C1QTNF2: variants seen among roughly 807,000 people sequenced by gnomAD.
C1QTNF2 encodes complement C1q tumor necrosis factor-related protein 2.
Under a neutral mutation model 17.4 loss-of-function variants are expected in C1QTNF2, and 15 were observed. The observed-to-expected ratio is 0.86, with a 90% CI of 0.58 to 1.33. C1QTNF2 has a LOEUF of 1.33. Ranked by LOEUF, C1QTNF2 falls within the 40% of genes most tolerant of loss-of-function variation. The pLI is 0.00. For missense variants in C1QTNF2, 381 were observed against 392.3 expected (o/e 0.97, Z 0.24); for synonymous variants, 154 against 163.3 (o/e 0.94, Z 0.44).
In C1QTNF2 at chr5:160,359,022, C is replaced by T. The variant is rs543977157; in HGVS notation, c.-9-4002G>A. 3.9e-5 allele frequency among the ~76,000 whole-genome samples: 6 copies of T among 152,282 alleles called. No homozygotes were observed. In the South Asian group the frequency reaches 1.0e-3, roughly 26 times the overall value. On this transcript the variant is annotated intron_variant, in intron 1 of 2. Coordinates refer to ENST00000652664, the MANE Select transcript of C1QTNF2 (RefSeq NM_031908.6). Reference sequence around the variant, plus strand: ...TCAAACTCCAGTCCAGCGATCTACCCGTTTCAGCCTCCCAAAGTGCTGAGA... The same window carrying T: ...TCAAACTCCAGTCCAGCGATCTACCTGTTTCAGCCTCCCAAAGTGCTGAGA...
intron 2 of C1QTNF2, among the ~76,000 whole-genome samples, chr5:160,353,234 C>T (rs1328793929): frequency 6.6e-6 from 1 of 152,088 alleles, no homozygotes; most frequent in Non-Finnish European, 1.5e-5. Flanking sequence ...TATTAAAATG[C>T]CATACAAATA....
intron 2 of C1QTNF2, among the ~76,000 whole-genome samples, chr5:160,351,809 A>G (rs898940188): frequency 3.1e-4 from 47 of 152,250 alleles, no homozygotes; most frequent in African/African-American, 1.0e-3. Flanking sequence ...AAAGAATGGG[A>G]AAAAATAAAA....
At position 160,354,632 on chromosome 5, in the gene C1QTNF2, ATAGATT is replaced by A. The variant is rs1201685378; in HGVS notation, c.244+130_244+135del. On this transcript the variant is annotated intron_variant, in intron 2 of 2. Coordinates refer to ENST00000652664, the MANE Select transcript of C1QTNF2 (RefSeq NM_031908.6). ...TATATATATATATATATATATATATATAGATTTATAAGTAAATAGTAATTTGATTTA... is the reference window on the plus strand; with the variant it reads ...TATATATATATATATATATATATATATATAAGTAAATAGTAATTTGATTTA... 3 of 392,086 alleles carry A rather than the reference ATAGATT, an allele frequency of 7.7e-6. No homozygotes were observed. In the African/African-American group the frequency reaches 7.9e-5, roughly 10 times the overall value. 24.3% of individuals were successfully genotyped at this position (392,086 alleles called of 1,614,324 possible).
At chr5:160,366,242 C>T (rs181019129) in intron 1 of C1QTNF2, among the ~76,000 whole-genome samples, 117 of 152,254 alleles carry the variant, frequency 7.7e-4, no homozygotes, top group African/African-American at 2.5e-3. Context: ...TTTAATGATA[C>T]CAGTTTTGAA....
intron 1 of C1QTNF2, among the ~76,000 whole-genome samples, chr5:160,362,372 AC>A (rs1449862731): frequency 2.6e-5 from 4 of 152,070 alleles, no homozygotes; most frequent in South Asian, 2.1e-4. Context: ...GGAAATCTCC[AC>A]CTTTTTCCAG....
intron 1 of C1QTNF2, 110 bp downstream of exon 1, chr5:160,370,402 A>C (rs1764332462): frequency 1.8e-5 from 24 of 1,314,840 alleles, no homozygotes; most frequent in Non-Finnish European, 2.2e-5. Context: ...GCGCGCTGGC[A>C]GCTCTCCCAC....
intron 1 of C1QTNF2, among the ~76,000 whole-genome samples, chr5:160,359,815 C>T (rs1041868407): frequency 8.5e-5 from 13 of 152,200 alleles, no homozygotes; most frequent in African/African-American, 3.1e-4. Flanking sequence ...CCAAGACCCT[C>T]CAATAGGTGC....
intron 1 of C1QTNF2, among the ~76,000 whole-genome samples, chr5:160,361,845 C>T (rs1764159472): frequency 6.6e-6 from 1 of 152,178 alleles, no homozygotes; most frequent in African/African-American, 2.4e-5. Flanking sequence ...TTGCACCCAT[C>T]CTGCATATGC....
In C1QTNF2 at chr5:160,348,952, A is replaced by T. The variant is rs1763852098; in HGVS notation, c.*216T>A. 1 of 573,616 alleles carries T rather than the reference A, an allele frequency of 1.7e-6. No homozygotes were observed. The highest frequency in any genetic ancestry group is 2.9e-5 in the East Asian group (1 of 34,400). The allele number at this position is 573,616 out of a possible 1,614,324, so 35.5% of individuals were successfully genotyped here. A position where few individuals can be genotyped will look rare whatever the true frequency, so the allele number is the denominator to read the frequency against. On this transcript the variant is annotated 3_prime_UTR_variant, in exon 3 of 3. Coordinates refer to ENST00000652664, the MANE Select transcript of C1QTNF2 (RefSeq NM_031908.6). ...TTCAGAGAATAGCATAGTGCCTGTT[A>T]CACAGTAGATACTTTAAAAAGAAGT...
chr5:160,350,442 G>A (rs1210523910), intron 2 of C1QTNF2, among the ~76,000 whole-genome samples: 4 of 152,150 alleles, frequency 2.6e-5, no homozygotes, highest in African/African-American at 7.2e-5. Context: ...GGTGGCTCGC[G>A]TCTATAATCC....
chr5:160,366,204 G>A (rs1210885273), intron 1 of C1QTNF2, among the ~76,000 whole-genome samples: 2 of 152,144 alleles, frequency 1.3e-5, no homozygotes, highest in African/African-American at 4.8e-5. Context: ...AACATACAAT[G>A]TTTGGTTTTC....
At chr5:160,368,548 GA>G (rs1285897881) in intron 1 of C1QTNF2, among the ~76,000 whole-genome samples, 72 of 147,230 alleles carry the variant, frequency 4.9e-4, no homozygotes, top group South Asian at 2.6e-3. Context: ...AAAGAAAAAA[GA>G]AAAAAAAGAG....
At chr5:160,355,435 G>A (rs1161434951) in intron 1 of C1QTNF2, 3 of 198,658 alleles carry the variant, frequency 1.5e-5, no homozygotes, top group Non-Finnish European at 2.7e-5. Flanking sequence ...TTGAATTGTA[G>A]GTGACTTTGC....
At chr5:160,356,608 C>T (rs1404087971) in intron 1 of C1QTNF2, among the ~76,000 whole-genome samples, 1 of 152,172 alleles carries the variant, frequency 6.6e-6, no homozygotes, top group Non-Finnish European at 1.5e-5. Context: ...GTTCTCTTTC[C>T]AGATACAAAG....
At chr5:160,362,492 A>C (rs1398366464) in intron 1 of C1QTNF2, among the ~76,000 whole-genome samples, 3 of 152,144 alleles carry the variant, frequency 2.0e-5, no homozygotes, top group Non-Finnish European at 4.4e-5. Context: ...CCCTCTCCTG[A>C]GTGTGTACTG....
At chr5:160,354,330 C>A (rs1341441501) in intron 2 of C1QTNF2, among the ~76,000 whole-genome samples, 1 of 151,954 alleles carries the variant, frequency 6.6e-6, no homozygotes, top group Non-Finnish European at 1.5e-5. Flanking sequence ...GTAATCCCAG[C>A]ACTTTGGAAG....
chr5:160,366,998 T>A (rs1581041458), intron 1 of C1QTNF2, among the ~76,000 whole-genome samples: 1 of 129,792 alleles, frequency 7.7e-6, no homozygotes, highest in Admixed American at 8.8e-5. Context: ...CACTTCAATC[T>A]GGGCAACAGA....
At chr5:160,354,632 A>G in intron 2 of C1QTNF2, 136 bp downstream of exon 2, 1 of 392,096 alleles carries the variant, frequency 2.6e-6, no homozygotes, top group Non-Finnish European at 4.1e-6. Flanking sequence ...ATATATATAT[A>G]TAGATTTATA....
Position 160,362,159 on chromosome 5 carries a change from T to C in C1QTNF2, c.-9-7139A>G, listed in dbSNP as rs140068276. ...CAATTTGACATGATTAGAGGCTATA[T>C]AGACCGATAAGACCCTGAAAAACAG... On this transcript the variant is annotated intron_variant, in intron 1 of 2. Transcript: ENST00000652664. 1.1e-4 allele frequency among the ~76,000 whole-genome samples: 17 copies of C among 152,258 alleles called. No individual in the cohort carries two copies. The East Asian group carries it at 2.9e-3, about 26-fold the overall frequency.
Sources: allele counts gnomAD v4.1 joint callset (sites outside exome capture counted in the v4.1 genomes callset), GRCh38; gene constraint gnomAD v4.1.1; transcripts MANE v1.5; gene names NCBI Gene and HGNC (gene_info 2026-07-23, HGNC 2026-07-21).